The following RYR3 variants were observed in gnomAD, a reference collection of about 807,000 sequenced individuals.
RYR3 encodes the protein brain ryanodine receptor-calcium release channel.
A neutral mutation model predicts 584.3 loss-of-function variants in RYR3; 207 were observed. That is an observed-to-expected ratio of 0.35 (90% CI 0.32 to 0.40). The LOEUF (loss-of-function observed/expected upper bound fraction) is 0.40. Ranked by LOEUF, RYR3 falls within the 10% of genes least tolerant of loss-of-function variation. The pLI is 1.00. For missense variants in RYR3, 5,616 were observed against 6,089.2 expected (o/e 0.92, Z 2.59); for synonymous variants, 2,416 against 2,248.5 (o/e 1.07, Z -2.11).
intron 3 of RYR3, among the ~76,000 whole-genome samples, chr15:33,526,613 C>T (rs893254459): frequency 6.7e-6 from 1 of 149,208 alleles, no homozygotes; most frequent in African/African-American, 2.5e-5. Context: ...ACAAGCTCGT[C>T]ATGGGAATGT....
chr15:33,387,893 T>A (rs928167832), intron 1 of RYR3, among the ~76,000 whole-genome samples: 62 of 151,932 alleles, frequency 4.1e-4, no homozygotes, highest in African/African-American at 1.4e-3. Flanking sequence ...AAAGATAAGT[T>A]ATAGAGAATA....
intron 65 of RYR3, among the ~76,000 whole-genome samples, chr15:33,781,415 C>T (rs1190675766): frequency 6.6e-6 from 1 of 152,122 alleles, no homozygotes; most frequent in Non-Finnish European, 1.5e-5. Flanking sequence ...TATACACTAC[C>T]AGTAGATGTC....
chr15:33,849,078 C>T (rs1009935881), intron 94 of RYR3: 1 of 152,292 alleles, frequency 6.6e-6, no homozygotes, highest in Non-Finnish European at 1.5e-5. Context: ...TCTGGTGATC[C>T]ACCCACCTCA....
intron 67 of RYR3, among the ~76,000 whole-genome samples, chr15:33,794,606 A>C (rs1290225551): frequency 6.6e-6 from 1 of 152,066 alleles, no homozygotes; most frequent in Admixed American, 6.6e-5. Flanking sequence ...AGTATGTTGT[A>C]CTTATGCGGT....
At chr15:33,615,052 T>A (rs2060382874) in intron 19 of RYR3, among the ~76,000 whole-genome samples, 1 of 152,200 alleles carries the variant, frequency 6.6e-6, no homozygotes, top group Non-Finnish European at 1.5e-5. Flanking sequence ...TTAATGTCTG[T>A]AAGGCAAAAC....
Position 33,853,667 on chromosome 15 carries a change from C to T in RYR3, c.13784C>T (p.Ala4595Val). 1 of 1,613,780 alleles carries T rather than the reference C, an allele frequency of 6.2e-7. No homozygotes were observed. The highest frequency in any genetic ancestry group is 8.5e-7 in the Non-Finnish European group (1 of 1,179,816). ...SPVEETKAEA[A>V]SLVSWLSSID... is the part of the protein sequence containing the mutation. The stretch of plus-strand genomic sequence containing the variant: ...GTAGAAGAGACCAAAGCAGAAGCGG[C>T]TTCTCTGGTGTCATGGTACAAAAAG... Residue 4595 changes from alanine to valine, a missense_variant, in exon 96 of 104, where the codon GCT (alanine) becomes GTT (valine). Ala to Val is a moderately conservative substitution (Grantham distance 64). Coordinates refer to ENST00000634891, the MANE Select transcript of RYR3 (RefSeq NM_001036.6).
chr15:33,640,040 A>T, intron 27 of RYR3, among the ~76,000 whole-genome samples: 1 of 144,130 alleles, frequency 6.9e-6, no homozygotes, highest in African/African-American at 2.6e-5. Flanking sequence ...TCTGCCAGGC[A>T]CTCCCCTGAG....
chr15:33,607,644 C>T lies in RYR3; in HGVS notation c.2164+4280C>T, dbSNP rs536465823. On this transcript the variant is annotated intron_variant, in intron 18 of 103. Coordinates refer to ENST00000634891, the MANE Select transcript of RYR3 (RefSeq NM_001036.6). ...AAATGTGCATGTTTTTCAGTACTGT[C>T]TTTGAATAAAGAAAGTAGATTTTAA... Among the ~76,000 whole-genome samples, 12 of 152,284 alleles carry T rather than the reference C, an allele frequency of 7.9e-5. No homozygotes were observed. In the South Asian group the frequency reaches 2.5e-3, roughly 32 times the overall value.
chr15:33,345,242 T>C (rs1320070031), intron 1 of RYR3, among the ~76,000 whole-genome samples: 1 of 152,178 alleles, frequency 6.6e-6, no homozygotes, highest in Admixed American at 6.5e-5. Context: ...AATAAATATT[T>C]ATTGAGTAGC....
intron 3 of RYR3, among the ~76,000 whole-genome samples, chr15:33,530,078 G>C (rs1251103463): frequency 6.6e-6 from 1 of 152,162 alleles, no homozygotes; most frequent in Non-Finnish European, 1.5e-5. Flanking sequence ...GGATTTCAGA[G>C]CCATCTCTCG....
At chr15:33,401,082 A>G (rs2042632303) in intron 1 of RYR3, among the ~76,000 whole-genome samples, 1 of 152,164 alleles carries the variant, frequency 6.6e-6, no homozygotes, top group Non-Finnish European at 1.5e-5. Context: ...AATATGAGCG[A>G]ATGCCCTTCT....
intron 1 of RYR3, among the ~76,000 whole-genome samples, chr15:33,323,535 A>G (rs925322060): frequency 2.6e-5 from 4 of 151,910 alleles, no homozygotes; most frequent in Admixed American, 1.3e-4. Context: ...CTGCTCTTCA[A>G]TGATATGGGG....
chr15:33,337,306 C>T (rs1408364880), intron 1 of RYR3, among the ~76,000 whole-genome samples: 2 of 151,926 alleles, frequency 1.3e-5, no homozygotes, highest in Non-Finnish European at 2.9e-5. Context: ...TTAGAATGCT[C>T]CTATAAATTA....
intron 60 of RYR3, among the ~76,000 whole-genome samples, chr15:33,764,093 G>T (rs1224701295): frequency 6.6e-6 from 1 of 151,998 alleles, no homozygotes; most frequent in Admixed American, 6.6e-5. Flanking sequence ...ATACCCAAAG[G>T]ATTATAAATT....
At chr15:33,591,770 A>G (rs958164704) in intron 16 of RYR3, among the ~76,000 whole-genome samples, 6 of 152,212 alleles carry the variant, frequency 3.9e-5, no homozygotes, top group African/African-American at 1.2e-4. Flanking sequence ...TAAAATAGTA[A>G]TATCATTGAT....
At chr15:33,344,315 T>C (rs191160683) in intron 1 of RYR3, among the ~76,000 whole-genome samples, 2 of 152,272 alleles carry the variant, frequency 1.3e-5, no homozygotes, top group African/African-American at 2.4e-5. Flanking sequence ...TTGGGTTGAG[T>C]CATGAAAAGT....
chr15:33,407,894 C>T (rs374564275), intron 1 of RYR3, among the ~76,000 whole-genome samples: 1 of 152,094 alleles, frequency 6.6e-6, no homozygotes, highest in Admixed American at 6.5e-5. Context: ...ACTTGTTTCC[C>T]CTCTACTCTC....
intron 2 of RYR3, among the ~76,000 whole-genome samples, chr15:33,480,488 A>T (rs2049856729): frequency 6.6e-6 from 1 of 152,204 alleles, no homozygotes; most frequent in Admixed American, 6.5e-5. Flanking sequence ...TGATTGGCTT[A>T]GTTAAGTTGC....
At chr15:33,547,273 G>T (rs1311661310) in intron 8 of RYR3, among the ~76,000 whole-genome samples, 7 of 152,310 alleles carry the variant, frequency 4.6e-5, no homozygotes, top group Non-Finnish European at 8.8e-5. Flanking sequence ...GACGGAGAAA[G>T]CATAGCAGAT....
Sources: gnomAD v4.1 joint callset for allele counts (sites outside exome capture counted in the v4.1 genomes callset) on GRCh38, gnomAD v4.1.1 for gene constraint, MANE v1.5 for transcripts, NCBI Gene and HGNC (gene_info 2026-07-23, HGNC 2026-07-21) for gene names.